Variants in CDH15 observed in about 807,000 individuals in gnomAD.
CDH15 encodes the protein cadherin-15.
A neutral mutation model predicts 69.4 loss-of-function variants in CDH15; 73 were observed. The ratio of observed to expected loss-of-function variants is 1.05; its 90% CI spans 0.87 to 1.28. The LOEUF is 1.28. Among genes scored for constraint, CDH15 ranks in the 50% most tolerant of loss-of-function variants. The pLI, the probability that CDH15 is intolerant of heterozygous loss-of-function variation, is 0.00. For missense variants in CDH15, 1,343 were observed against 1,133.6 expected, an observed-to-expected ratio of 1.18 and a Z score of -2.65; for synonymous variants, 624 against 507.7, an observed-to-expected ratio of 1.23 and a Z score of -3.08.
At chr16:89,188,772 CCACACACAGATGCCCACGCACA>C (rs1915559372) in intron 7 of CDH15, among the ~76,000 whole-genome samples, 1 of 131,524 alleles carries the variant, frequency 7.6e-6, no homozygotes, top group African/African-American at 2.9e-5. Flanking sequence ...ACACAGATGC[CCACACACAGATGCCCACGCACA>C]GGTGCCCACA....
At chr16:89,174,027 T>C (rs1422952589) in intron 1 of CDH15, among the ~76,000 whole-genome samples, 11 of 152,326 alleles carry the variant, frequency 7.2e-5, no homozygotes, top group African/African-American at 2.6e-4. Flanking sequence ...GCAGGGGCTC[T>C]TAGCTCGGGT....
chr16:89,190,827 C>A (rs552876711), intron 8 of CDH15, among the ~76,000 whole-genome samples: 1 of 152,254 alleles, frequency 6.6e-6, no homozygotes, highest in Middle Eastern at 3.4e-3. Flanking sequence ...CTGTCTGTGT[C>A]CACGGGGCCC....
At chr16:89,176,711 T>A (rs1037545308) in intron 1 of CDH15, among the ~76,000 whole-genome samples, 5 of 149,742 alleles carry the variant, frequency 3.3e-5, no homozygotes, top group African/African-American at 1.3e-4. Context: ...GCGAAGACGG[T>A]GATGTGGAGA....
intron 12 of CDH15, 67 bp downstream of exon 12, chr16:89,193,673 A>C: frequency 2.4e-5 from 38 of 1,568,298 alleles, no homozygotes; most frequent in Non-Finnish European, 3.0e-5. Flanking sequence ...TCTTACAACA[A>C]GCTGGCCAGG....
intron 3 of CDH15, among the ~76,000 whole-genome samples, chr16:89,181,165 C>A (rs1322369276): frequency 1.3e-5 from 2 of 152,018 alleles, no homozygotes; most frequent in African/African-American, 2.4e-5. Context: ...GATGGGGTTT[C>A]ACCATGTTGG....
intron 1 of CDH15, among the ~76,000 whole-genome samples, chr16:89,176,798 A>C (rs1459845746): frequency 7.1e-6 from 1 of 140,326 alleles, no homozygotes; most frequent in East Asian, 2.5e-4. Context: ...GGAGCTGAGG[A>C]GTTTGTGTGT....
chr16:89,175,921 T>G (rs1199881937), intron 1 of CDH15, among the ~76,000 whole-genome samples: 1 of 152,188 alleles, frequency 6.6e-6, no homozygotes, highest in Non-Finnish European at 1.5e-5. Flanking sequence ...CCAGGGAAGG[T>G]GGCCATGGTT....
intron 10 of CDH15, 131 bp from the exon 11 acceptor site, chr16:89,192,074 C>G: frequency 7.7e-7 from 1 of 1,297,596 alleles, no homozygotes; most frequent in Non-Finnish European, 1.0e-6. Flanking sequence ...TCATTGTGCC[C>G]AGAGGACGGT....
chr16:89,193,451 G>T lies in CDH15; in HGVS notation c.1856-19G>T, dbSNP rs1217222005. ...CGCGCCCTGTGCCTGGCCCCAGCCT[G>T]CGTCCCCTCATTCCCCAGTGCTGGT... On this transcript the variant is annotated intron_variant, in intron 11 of 13. Transcript: ENST00000289746. The T allele has an allele frequency of 1.3e-6, 2 of 1,597,698 alleles. No individual in the cohort carries two copies. Among genetic ancestry groups the T allele is most frequent in the Non-Finnish European group, 1.7e-6 (2 of 1,171,150 alleles).
chr16:89,176,774 C>A (rs570747897), intron 1 of CDH15, among the ~76,000 whole-genome samples: 3 of 138,028 alleles, frequency 2.2e-5, no homozygotes, highest in South Asian at 2.2e-4. Context: ...AAGATGGGGG[C>A]CCTGTCTGAA....
intron 7 of CDH15, 97 bp from the exon 8 acceptor site, chr16:89,190,146 C>G (rs1915603371): frequency 6.9e-7 from 1 of 1,453,616 alleles, no homozygotes; most frequent in Admixed American, 1.9e-5. Context: ...AGTACAGGTG[C>G]TCTGGACAGA....
Position 89,192,377 on chromosome 16 carries a change from G to A in CDH15, c.1788G>A (p.Leu596=), listed in dbSNP as rs756336374. The A allele has an allele frequency of 1.5e-5, 23 of 1,536,400 alleles. No individual in the cohort carries two copies. The Admixed American group carries it at 3.9e-4, about 26-fold the overall frequency. The change falls in exon 11 of 14, where the codon CTG becomes CTA. Residue 596 remains leucine (L), a synonymous_variant. Transcript: ENST00000289746. ...GVCLPGAAAL[L]AGGTGLSLGA... ...GCCTGCCGGGGGCCGCAGCGCTGCT[G>A]GCGGGGGGCACAGGCCTCAGCCTGG...
Position 89,192,335 on chromosome 16 carries a change from C to T in CDH15, c.1746C>T (p.Cys582=), listed in dbSNP as rs761489996. Residue 582 remains cysteine, a synonymous_variant, in exon 11 of 14, where the codon TGC becomes TGT. Coordinates refer to ENST00000289746, the MANE Select transcript of CDH15 (RefSeq NM_004933.3). Reference sequence around the variant, plus strand: ...CTCTGAACGTGACCGTGTGCCGCTGCGGCAAGGACGGCGTCTGCCTGCCGG... The same window carrying T: ...CTCTGAACGTGACCGTGTGCCGCTGTGGCAAGGACGGCGTCTGCCTGCCGG... ...EQPLNVTVCR[C]GKDGVCLPGA... is the part of the protein sequence containing the mutation. The T allele has an allele frequency of 6.5e-7, 1 of 1,535,624 alleles. No individual in the cohort carries two copies. The highest frequency in any genetic ancestry group is 8.7e-7 in the Non-Finnish European group (1 of 1,147,238).
intron 1 of CDH15, among the ~76,000 whole-genome samples, chr16:89,175,021 G>T (rs377261360): frequency 6.6e-6 from 1 of 152,194 alleles, no homozygotes; most frequent in Non-Finnish European, 1.5e-5. Flanking sequence ...CCCGAGAGCC[G>T]GAAGTGGGCC....
intron 5 of CDH15, chr16:89,186,240 AC>A (rs1915483563): frequency 2.7e-5 from 2 of 74,888 alleles, no homozygotes; most frequent in Admixed American, 1.3e-4. Context: ...TGCTCTGTAA[AC>A]GCTCACCCAG....
intron 1 of CDH15, among the ~76,000 whole-genome samples, chr16:89,174,115 C>T (rs549441808): frequency 2.0e-5 from 3 of 152,336 alleles, no homozygotes; most frequent in Non-Finnish European, 2.9e-5. Flanking sequence ...CCCCAGACAC[C>T]GTGCTTTGGA....
At chr16:89,187,358 C>G in intron 5 of CDH15, 71 bp from the exon 6 acceptor site, 1 of 1,590,378 alleles carries the variant, frequency 6.3e-7, no homozygotes, top group South Asian at 1.1e-5. Flanking sequence ...TGGCCTGGCT[C>G]CCACCCCTGA....
In CDH15 at chr16:89,183,591, A is replaced by T. The variant is rs1410515208; in HGVS notation, c.401A>T (p.Asp134Val). ...GACCTGGGAGGATCCACCCTGGAGG[A>T]CCCCACGGACCTGGAGATTGTAGTT... ...ALDLGGSTLE[D>V]PTDLEIVVVD... The change falls in exon 4 of 14, where the codon GAC (aspartate) becomes GTC (valine). Residue 134 changes from aspartate to valine, a missense_variant. By Grantham distance (152) the Asp-to-Val change is radical. Coordinates refer to ENST00000289746, the MANE Select transcript of CDH15 (RefSeq NM_004933.3). 1 of 1,614,124 alleles carries T rather than the reference A, an allele frequency of 6.2e-7. No homozygotes were observed. The highest frequency in any genetic ancestry group is 2.2e-5 in the East Asian group (1 of 44,888).
chr16:89,186,778 G>C, intron 5 of CDH15, among the ~76,000 whole-genome samples: 1 of 148,140 alleles, frequency 6.8e-6, no homozygotes, highest in Non-Finnish European at 1.5e-5. Flanking sequence ...CCAGAGCACA[G>C]TAGGTGCTCT....
Sources: allele counts gnomAD v4.1 joint callset (sites outside exome capture counted in the v4.1 genomes callset), GRCh38; gene constraint gnomAD v4.1.1; transcripts MANE v1.5; gene names NCBI Gene and HGNC (gene_info 2026-07-23, HGNC 2026-07-21).